CA10: variants seen among roughly 807,000 people sequenced by gnomAD.
CA10 encodes the protein carbonic anhydrase 10 (inactive), also known as carbonic anhydrase-related protein 10.
Under a neutral mutation model 44.2 loss-of-function variants are expected in CA10, and 14 were observed. That is an observed-to-expected ratio of 0.32 (90% CI 0.21 to 0.50). CA10 has a LOEUF of 0.50. CA10 is among the 20% of genes least tolerant of loss of function. The probability of loss-of-function intolerance (pLI) is 0.99; values close to 1 mark genes in which losing one functional copy is unlikely to be tolerated. For synonymous variants in CA10, 159 were observed against 141.6 expected (o/e 1.12, Z -0.87); for missense variants, 350 against 409.7 (o/e 0.85, Z 1.26).
chr17:51,636,006 T>A lies in CA10; in HGVS notation c.638A>T (p.Asp213Val). 6.4e-7 allele frequency: 1 copy of A among 1,567,262 alleles called. No individual in the cohort carries two copies. Among genetic ancestry groups the A allele is most frequent in the Non-Finnish European group, 8.7e-7 (1 of 1,154,854 alleles). The change falls in exon 7 of 9, where the codon GAT becomes GTT. Residue 213 changes from aspartate (D) to valine (V), a missense_variant. By Grantham distance (152) the Asp-to-Val change is radical. Coordinates refer to ENST00000451037, the MANE Select transcript of CA10 (RefSeq NM_020178.5). ...DTITRITYKN[D>V]AYLLQGLNIE... is the part of the protein sequence containing the mutation. ...ATTAAGCCCCTGTAGTAAATATGCA[T>A]CATCTAGAGAAGGAAAGAAGACTTA...
chr17:51,909,080 G>T (rs998744665), intron 3 of CA10, among the ~76,000 whole-genome samples: 1 of 152,104 alleles, frequency 6.6e-6, no homozygotes, highest in Non-Finnish European at 1.5e-5. Context: ...ATGCTCCAGC[G>T]CACATGATAT....
chr17:51,670,155 A>G (rs988029778), intron 4 of CA10, among the ~76,000 whole-genome samples: 1 of 152,152 alleles, frequency 6.6e-6, no homozygotes, highest in Non-Finnish European at 1.5e-5. Flanking sequence ...TCTTTTCTTT[A>G]TAAATTACCC....
chr17:51,964,745 T>C (rs1490929938), intron 2 of CA10, among the ~76,000 whole-genome samples: 1 of 151,900 alleles, frequency 6.6e-6, no homozygotes, highest in Non-Finnish European at 1.5e-5. Flanking sequence ...GTCTCTGTGA[T>C]GCAGCAAAAA....
intron 1 of CA10, among the ~76,000 whole-genome samples, chr17:52,137,146 G>T (rs1278440090): frequency 1.3e-5 from 2 of 151,778 alleles, no homozygotes; most frequent in African/African-American, 2.4e-5. Context: ...TGGCACACAG[G>T]GAGGTAGGGT....
intron 3 of CA10, among the ~76,000 whole-genome samples, chr17:51,774,443 G>GT (rs1905730552): frequency 7.4e-6 from 1 of 134,510 alleles, no homozygotes; most frequent in Admixed American, 8.2e-5. Context: ...TTCATTTAAG[G>GT]TCTTTTTTTT....
At chr17:51,836,126 G>A (rs1908469373) in intron 3 of CA10, among the ~76,000 whole-genome samples, 1 of 152,178 alleles carries the variant, frequency 6.6e-6, no homozygotes, top group African/African-American at 2.4e-5. Context: ...GCAGGTTTAT[G>A]TTTCCATACA....
intron 3 of CA10, among the ~76,000 whole-genome samples, chr17:51,776,873 G>A (rs1905838590): frequency 1.3e-5 from 2 of 152,238 alleles, no homozygotes; most frequent in South Asian, 4.1e-4. Context: ...TGGGAGTCAG[G>A]TTTTTCAGAC....
chr17:51,773,929 A>G (rs1373897954), intron 3 of CA10, among the ~76,000 whole-genome samples: 1 of 152,162 alleles, frequency 6.6e-6, no homozygotes, highest in African/African-American at 2.4e-5. Flanking sequence ...GAGCATATTT[A>G]TCAGCTACTA....
intron 3 of CA10, among the ~76,000 whole-genome samples, chr17:51,891,319 A>G (rs1279211672): frequency 6.6e-6 from 1 of 152,156 alleles, no homozygotes; most frequent in Non-Finnish European, 1.5e-5. Context: ...TCAAGAGAGA[A>G]AGTGCTAAGT....
At position 51,831,732 on chromosome 17, in the gene CA10, G is replaced by GCCGCCGC. The variant is rs1567854679; in HGVS notation, c.280-83915_280-83914insGCGGCGG. Among the ~76,000 whole-genome samples the GCCGCCGC allele has an allele frequency of 4.9e-4, 72 of 146,044 alleles. 1 individual carries two copies. Among genetic ancestry groups the GCCGCCGC allele is most frequent in the African/African-American group, 1.8e-3 (70 of 39,714 alleles). ...AGCAGCAGCAGCAGCAGCAGCAGCAGAAAAAGACCTTCCTTCCACCTTATT... is the reference window on the plus strand; with the variant it reads ...AGCAGCAGCAGCAGCAGCAGCAGCAGCCGCCGCAAAAAGACCTTCCTTCCACCTTATT... On this transcript the variant is annotated intron_variant, in intron 3 of 8. Transcript: ENST00000451037.
chr17:51,672,559 G>A (rs1416341558), intron 4 of CA10, among the ~76,000 whole-genome samples: 14 of 152,156 alleles, frequency 9.2e-5, no homozygotes, highest in Non-Finnish European at 1.8e-4. Context: ...AAAACTTAGA[G>A]GTTAAGTAGT....
At chr17:51,780,805 C>T (rs116158223) in intron 3 of CA10, among the ~76,000 whole-genome samples, 18 of 152,110 alleles carry the variant, frequency 1.2e-4, no homozygotes, top group African/African-American at 4.3e-4. Flanking sequence ...TGAGCAAGAG[C>T]CTGGAGGTTT....
At chr17:52,134,907 T>C in intron 1 of CA10, 1 of 519,040 alleles carries the variant, frequency 1.9e-6, no homozygotes, top group South Asian at 1.4e-5. Context: ...CCATACACAG[T>C]TCATCAGGCT....
chr17:52,061,478 G>GCTAATTTATACAAATTA, intron 2 of CA10, among the ~76,000 whole-genome samples: 1 of 152,248 alleles, frequency 6.6e-6, no homozygotes, highest in East Asian at 1.9e-4. Context: ...ACTAACTTTA[G>GCTAATTTATACAAATTA]GGTAATTTGT....
intron 3 of CA10, among the ~76,000 whole-genome samples, chr17:51,818,178 T>C (rs999905188): frequency 2.0e-5 from 3 of 152,254 alleles, no homozygotes; most frequent in Non-Finnish European, 4.4e-5. Context: ...CTCACTCCAT[T>C]CAACTGTCAC....
intron 3 of CA10, among the ~76,000 whole-genome samples, chr17:51,887,855 GAA>G (rs1335713071): frequency 7.9e-6 from 1 of 126,938 alleles, no homozygotes. Context: ...AAAAAAAAAA[GAA>G]AAAAAAAAAA....
chr17:52,017,880 G>A (rs1986017995), intron 2 of CA10, among the ~76,000 whole-genome samples: 2 of 152,154 alleles, frequency 1.3e-5, no homozygotes, highest in African/African-American at 4.8e-5. Context: ...CAGAGGCTTG[G>A]AAAGGAAGAA....
intron 3 of CA10, among the ~76,000 whole-genome samples, chr17:51,792,374 G>T (rs190282759): frequency 7.2e-5 from 11 of 152,334 alleles, no homozygotes; most frequent in African/African-American, 2.6e-4. Flanking sequence ...CAAATAGGAG[G>T]TATGTGATCA....
intron 4 of CA10, among the ~76,000 whole-genome samples, chr17:51,704,575 G>A (rs1597996901): frequency 1.3e-5 from 2 of 152,214 alleles, no homozygotes; most frequent in African/African-American, 4.8e-5. Context: ...TCATGTGAGT[G>A]CAGACAGTGC....
Sources: allele counts gnomAD v4.1 joint callset (sites outside exome capture counted in the v4.1 genomes callset), GRCh38; gene constraint gnomAD v4.1.1; transcripts MANE v1.5; gene names NCBI Gene and HGNC (gene_info 2026-07-23, HGNC 2026-07-21).